DNAH17: variants seen among roughly 807,000 people sequenced by gnomAD.
The protein encoded by DNAH17 is axonemal beta dynein heavy chain 17.
Under a neutral mutation model 485.6 loss-of-function variants are expected in DNAH17, and 376 were observed. That is an observed-to-expected ratio of 0.77 (90% CI 0.71 to 0.84). The LOEUF is 0.84. Among genes scored for constraint, DNAH17 ranks in the 40% least tolerant of loss-of-function variants. The pLI, the probability that DNAH17 is intolerant of heterozygous loss-of-function variation, is 0.00. For missense variants in DNAH17, 6,370 were observed against 5,839.3 expected (o/e 1.09, Z -2.96); for synonymous variants, 3,031 against 2,405.9 (o/e 1.26, Z -7.60).
chr17:78,505,292 C>A lies in DNAH17; in HGVS notation c.4956+1G>T. 1 of 1,613,914 alleles carries A rather than the reference C, an allele frequency of 6.2e-7. No individual in the cohort carries two copies. Among genetic ancestry groups the A allele is most frequent in the Non-Finnish European group, 8.5e-7 (1 of 1,179,842 alleles). On this transcript the variant is annotated splice_donor_variant, in intron 31 of 80. Transcript: ENST00000389840. LOFTEE classifies it high-confidence loss of function. Reference sequence around the variant, plus strand: ...CCTGTGTGGTGTGCGCACACACTCACCTGCCCCGAGAGGTCGCATTCCTGA... The same window carrying A: ...CCTGTGTGGTGTGCGCACACACTCAACTGCCCCGAGAGGTCGCATTCCTGA...
chr17:78,485,232 G>A (rs2089546098), intron 47 of DNAH17, 199 bp from the exon 48 acceptor site: 11 of 698,892 alleles, frequency 1.6e-5, no homozygotes, highest in Non-Finnish European at 2.1e-5. Flanking sequence ...AGCGATCAGA[G>A]GCGAGGGTGG....
At position 78,451,561 on chromosome 17, in the gene DNAH17, G is replaced by A; in HGVS notation, c.10642C>T (p.Leu3548Phe). The stretch of plus-strand genomic sequence containing the variant: ...TCCCTGGTGACCAGGAAGTTGATGA[G>A]GGTGCACTGAGCCTGCATCTCTGGC... ...YKPEMQAQCT[L>F]INFLVTRDGL... The change falls in exon 66 of 81, where the codon CTC (leucine) becomes TTC (phenylalanine). Residue 3548 changes from leucine to phenylalanine, a missense_variant. Physicochemically the swap from Leu to Phe is conservative, Grantham distance 22 (BLOSUM62 0). Transcript: ENST00000389840. 6.2e-7 allele frequency: 1 copy of A among 1,613,754 alleles called. No individual in the cohort carries two copies. Among genetic ancestry groups the A allele is most frequent in the Non-Finnish European group, 8.5e-7 (1 of 1,179,742 alleles).
Position 78,509,818 on chromosome 17 carries a change from C to A in DNAH17, c.4236+566G>T, listed in dbSNP as rs1351943341. 2.0e-5 allele frequency among the ~76,000 whole-genome samples: 3 copies of A among 152,270 alleles called. No homozygotes were observed. In the East Asian group the frequency reaches 5.8e-4, roughly 29 times the overall value. On this transcript the variant is annotated intron_variant, in intron 27 of 80. Transcript: ENST00000389840. ...AGGAAATGCGAGTTCTGGTTATTTA[C>A]AAAATGTTCCAAACTATTGCATGTA... is the stretch of plus-strand genomic sequence containing the variant.
In DNAH17 at chr17:78,492,646, C is replaced by G. The variant is rs758403750; in HGVS notation, c.6528G>C (p.Arg2176Ser). 1 of 1,613,786 alleles carries G rather than the reference C, an allele frequency of 6.2e-7. No homozygotes were observed. Among genetic ancestry groups the G allele is most frequent in the Admixed American group, 1.7e-5 (1 of 60,006 alleles). ...CACCCTCGTTACCATCTTTCCATTC[C>G]CTGGTCACTGGGTTGATGATGCCAA... ...ELFGIINPVT[R>S]EWKDGLFSTI... Residue 2176 changes from arginine to serine, a missense_variant, in exon 42 of 81, where the codon AGG (arginine) becomes AGC (serine). Physicochemically the swap from Arg to Ser is moderately radical, Grantham distance 110 (BLOSUM62 -1). Coordinates refer to ENST00000389840, the MANE Select transcript of DNAH17 (RefSeq NM_173628.4).
intron 20 of DNAH17, among the ~76,000 whole-genome samples, chr17:78,531,951 C>G (rs1014669713): frequency 2.6e-5 from 4 of 152,232 alleles, no homozygotes; most frequent in Non-Finnish European, 5.9e-5. Context: ...TTTTGAGAGA[C>G]AACAAACAAT....
chr17:78,511,415 T>C (rs1279037133), intron 26 of DNAH17, among the ~76,000 whole-genome samples: 3 of 152,188 alleles, frequency 2.0e-5, no homozygotes, highest in African/African-American at 7.2e-5. Flanking sequence ...CGGCTAGATC[T>C]GCTGTTTTAA....
rs780980042 is a variant in DNAH17 at position 78,486,120 on chromosome 17, C to T, written c.7115G>A (p.Arg2372Gln). 9.9e-6 allele frequency: 16 copies of T among 1,613,378 alleles called. No homozygotes were observed. Among genetic ancestry groups the T allele is most frequent in the South Asian group, 2.2e-5 (2 of 91,006 alleles). Residue 2372 changes from arginine (R) to glutamine (Q), a missense_variant, in exon 46 of 81, where the codon CGA becomes CAA. By Grantham distance (43) the Arg-to-Gln change is conservative (BLOSUM62 1). Transcript: ENST00000389840. ...AMFQDQLVDY[R>Q]VEFSKWWINE... ...GATCCACCATTTACTGAACTCCACT[C>T]GATAATCCACAAGCTGTTGAGACAC...
rs921896144 is a variant in DNAH17, at chr17:78,441,154, C to G, written c.11574G>C (p.Arg3858=). ...CGTAGGACTTAGAAAACTCAACACT[C>G]CGGCCTTCCACGAACTTGCTGCCCA... The part of the protein sequence containing the change: ...EKMGSKFVEG[R]SVEFSKSYEE... The change falls in exon 72 of 81, where the codon CGG becomes CGC. Residue 3858 remains arginine (R), a synonymous_variant. Coordinates refer to ENST00000389840, the MANE Select transcript of DNAH17 (RefSeq NM_173628.4). 1.9e-6 allele frequency: 3 copies of G among 1,613,928 alleles called. No homozygotes were observed. The highest frequency in any genetic ancestry group is 2.5e-6 in the Non-Finnish European group (3 of 1,179,890).
intron 72 of DNAH17, among the ~76,000 whole-genome samples, chr17:78,440,789 G>T (rs1222782795): frequency 4.6e-5 from 7 of 152,180 alleles, no homozygotes; most frequent in Admixed American, 3.3e-4. Context: ...AATTCTATAT[G>T]TAACTTACTG....
At position 78,437,850 on chromosome 17, in the gene DNAH17, G is replaced by A. The variant is rs146926220; in HGVS notation, c.11824C>T (p.Arg3942Trp). Residue 3942 changes from arginine (R) to tryptophan (W), a missense_variant, in exon 74 of 81, where the codon CGG becomes TGG. Arg to Trp is a moderately radical substitution (Grantham distance 101). Coordinates refer to ENST00000389840, the MANE Select transcript of DNAH17 (RefSeq NM_173628.4). Reference protein sequence around the residue: ...VILQNIHLVARWLGTLDKKLE... With the variant: ...VILQNIHLVAWWLGTLDKKLE... ...TTCTTGTCCAGTGTTCCCAGCCACC[G>A]GGCCACCAGGTGGATATTCTGCAGC... 5.5e-4 allele frequency: 886 copies of A among 1,610,010 alleles called. 1 individual carries two copies. Among genetic ancestry groups the A allele is most frequent in the Non-Finnish European group, 6.4e-4 (749 of 1,178,210 alleles).
chr17:78,462,728 C>A, intron 57 of DNAH17, 116 bp downstream of exon 57: 1 of 966,258 alleles, frequency 1.0e-6, no homozygotes, highest in Non-Finnish European at 1.6e-6. Flanking sequence ...GCTCATCTTA[C>A]TTTAGGCAGT....
chr17:78,438,036 G>A (rs1388134436), intron 73 of DNAH17, among the ~76,000 whole-genome samples, 168 bp from the exon 74 acceptor site: 1 of 152,134 alleles, frequency 6.6e-6, no homozygotes, highest in Non-Finnish European at 1.5e-5. Context: ...CCCTAACCAG[G>A]TGCTGGGCAT....
intron 77 of DNAH17, 27 bp downstream of exon 77, chr17:78,428,498 G>T (rs749076119): frequency 2.0e-5 from 31 of 1,567,018 alleles, no homozygotes; most frequent in Non-Finnish European, 2.7e-5. Flanking sequence ...CCTTCCTCTC[G>T]CTTGGGAGCA....
At chr17:78,441,674 C>T (rs2087081520) in intron 71 of DNAH17, among the ~76,000 whole-genome samples, 1 of 152,322 alleles carries the variant, frequency 6.6e-6, no homozygotes, top group South Asian at 2.1e-4. Context: ...TCGGCTAATC[C>T]TCCCATGGAG....
At chr17:78,462,261 T>A (rs866060644) in intron 57 of DNAH17, among the ~76,000 whole-genome samples, 1 of 9,048 alleles carries the variant, frequency 1.1e-4, no homozygotes, top group African/African-American at 4.4e-4. Flanking sequence ...GGTAGGGGGG[T>A]GGGGGGGTGG....
intron 18 of DNAH17, among the ~76,000 whole-genome samples, chr17:78,538,618 C>T (rs979921990): frequency 3.9e-5 from 6 of 152,212 alleles, no homozygotes; most frequent in African/African-American, 1.4e-4. Context: ...CTCCTGCCCC[C>T]AGGCTACTCA....
intron 31 of DNAH17, among the ~76,000 whole-genome samples, chr17:78,504,071 ATTT>A (rs979845041): frequency 6.8e-6 from 1 of 146,256 alleles, no homozygotes; most frequent in Non-Finnish European, 1.5e-5. Context: ...ATGAGGGTAG[ATTT>A]TTTTTTTTGG....
At chr17:78,492,392 G>T (rs552452718) in intron 42 of DNAH17, among the ~76,000 whole-genome samples, 1 of 152,146 alleles carries the variant, frequency 6.6e-6, no homozygotes, top group African/African-American at 2.4e-5. Flanking sequence ...CTCGGGGCAG[G>T]CCTGCAGTCC....
chr17:78,427,654 G>A (rs971872392), intron 77 of DNAH17, among the ~76,000 whole-genome samples: 2 of 152,178 alleles, frequency 1.3e-5, no homozygotes, highest in Admixed American at 6.5e-5. Flanking sequence ...TAGCTAGTAC[G>A]TAATAGAGCC....
Sources: allele counts gnomAD v4.1 joint callset (sites outside exome capture counted in the v4.1 genomes callset), GRCh38; gene constraint gnomAD v4.1.1; transcripts MANE v1.5; gene names NCBI Gene and HGNC (gene_info 2026-07-23, HGNC 2026-07-21).